The following GRM8 variants were observed in gnomAD, a reference collection of about 807,000 sequenced individuals.
GRM8 encodes glutamate metabotropic receptor 8, also known as metabotropic glutamate receptor 8.
GRM8 carries 47 observed loss-of-function variants against 87.2 expected under a neutral mutation model. The ratio of observed to expected loss-of-function variants is 0.54; its 90% confidence interval spans 0.43 to 0.69. The LOEUF is 0.69. Among genes scored for constraint, GRM8 ranks in the 30% least tolerant of loss-of-function variants. The pLI is 0.00. For missense variants in GRM8, 1,019 were observed against 1,139.2 expected, an observed-to-expected ratio of 0.89 and a Z score of 1.52; for synonymous variants, 396 against 404.5, an observed-to-expected ratio of 0.98 and a Z score of 0.25.
intron 6 of GRM8, among the ~76,000 whole-genome samples, chr7:126,877,228 T>G (rs1011051200): frequency 6.6e-6 from 1 of 152,220 alleles, no homozygotes; most frequent in African/African-American, 2.4e-5. Flanking sequence ...TTGTTTTGCC[T>G]GCTTCTAAAT....
intron 2 of GRM8, among the ~76,000 whole-genome samples, chr7:127,107,975 C>G (rs1383698279): frequency 6.6e-6 from 1 of 152,186 alleles, no homozygotes; most frequent in Non-Finnish European, 1.5e-5. Context: ...GATCCACCTG[C>G]ATTGGCCGTA....
At chr7:126,819,517 T>A (rs1020806981) in intron 6 of GRM8, among the ~76,000 whole-genome samples, 3 of 152,184 alleles carry the variant, frequency 2.0e-5, no homozygotes, top group Non-Finnish European at 4.4e-5. Flanking sequence ...ATCTCTTTGA[T>A]AAATATTCAT....
At chr7:126,698,878 C>G (rs954399125) in intron 7 of GRM8, among the ~76,000 whole-genome samples, 1 of 152,162 alleles carries the variant, frequency 6.6e-6, no homozygotes, top group African/African-American at 2.4e-5. Flanking sequence ...ATATTTCTCT[C>G]AAGAAATTCT....
At chr7:126,920,437 G>C (rs1290272681) in intron 3 of GRM8, among the ~76,000 whole-genome samples, 2 of 152,172 alleles carry the variant, frequency 1.3e-5, no homozygotes, top group Non-Finnish European at 2.9e-5. Context: ...CTGAAAAGCA[G>C]ATGATTACCA....
At chr7:126,637,483 T>C (rs1801981258) in intron 7 of GRM8, among the ~76,000 whole-genome samples, 1 of 151,886 alleles carries the variant, frequency 6.6e-6, no homozygotes, top group South Asian at 2.1e-4. Flanking sequence ...AAAAAAGAAG[T>C]TAAATAAATA....
At chr7:126,881,050 G>A (rs1320247483) in intron 6 of GRM8, among the ~76,000 whole-genome samples, 8 of 152,070 alleles carry the variant, frequency 5.3e-5, no homozygotes, top group Non-Finnish European at 7.3e-5. Flanking sequence ...TGATCCTAAT[G>A]TAGAGCTTTC....
At chr7:126,989,909 C>G (rs767926888) in intron 3 of GRM8, among the ~76,000 whole-genome samples, 2 of 152,036 alleles carry the variant, frequency 1.3e-5, no homozygotes, top group Non-Finnish European at 2.9e-5. Context: ...TTGCAGTGAG[C>G]CACTGCACTC....
At chr7:127,212,240 G>A (rs2116637846) in intron 2 of GRM8, among the ~76,000 whole-genome samples, 1 of 152,240 alleles carries the variant, frequency 6.6e-6, no homozygotes, top group Non-Finnish European at 1.5e-5. Flanking sequence ...CTGCTTCGCT[G>A]TTTTTGAGCT....
rs576685080 is a variant in GRM8, at chr7:127,203,611, G to C, written c.510+39084C>G. 1.3e-3 allele frequency among the ~76,000 whole-genome samples: 195 copies of C among 152,264 alleles called. 1 individual carries two copies. The highest frequency in any genetic ancestry group is 2.0e-3 in the Non-Finnish European group (139 of 68,024). On this transcript the variant is annotated intron_variant, in intron 2 of 10. Transcript: ENST00000339582. ...TAATCCCAGCTACTTGGGAGGCTGA[G>C]CCAGGAGAATCGCTTGAACCAGGGA...
chr7:126,857,016 G>T (rs1797748300), intron 6 of GRM8, among the ~76,000 whole-genome samples: 1 of 152,178 alleles, frequency 6.6e-6, no homozygotes, highest in Non-Finnish European at 1.5e-5. Context: ...CTTTGTAATT[G>T]CATGGTACAT....
At chr7:126,619,970 C>A (rs1291483052) in intron 7 of GRM8, among the ~76,000 whole-genome samples, 1 of 152,128 alleles carries the variant, frequency 6.6e-6, no homozygotes, top group Non-Finnish European at 1.5e-5. Context: ...GAATTACAGG[C>A]ATGAATAAAT....
intron 8 of GRM8, among the ~76,000 whole-genome samples, chr7:126,577,672 G>A (rs6946312): frequency 9.2e-5 from 14 of 152,040 alleles, no homozygotes; most frequent in Non-Finnish European, 5.9e-5. Flanking sequence ...AAACTAATTC[G>A]AAAGCAACTT....
intron 3 of GRM8, among the ~76,000 whole-genome samples, chr7:127,048,608 A>C (rs1819170312): frequency 6.6e-6 from 1 of 152,212 alleles, no homozygotes; most frequent in African/African-American, 2.4e-5. Flanking sequence ...CCCTTCTTCC[A>C]GATGCAGAAA....
In GRM8 at chr7:126,718,073, A is replaced by G. The variant is rs184256783; in HGVS notation, c.1357+51792T>C. On this transcript the variant is annotated intron_variant, in intron 7 of 10. Transcript: ENST00000339582. ...CGGTGAAACCCCGTCTCTACTAAAA[A>G]AAAAATACAAAAAATTAGCAGGGCG... Among the ~76,000 whole-genome samples the G allele has an allele frequency of 2.5e-3, 375 of 151,966 alleles. 2 individuals are homozygous for G. Among genetic ancestry groups the G allele is most frequent in the African/African-American group, 8.6e-3 (358 of 41,476 alleles).
chr7:126,703,281 G>T (rs1481726391), intron 7 of GRM8, among the ~76,000 whole-genome samples: 1 of 152,202 alleles, frequency 6.6e-6, no homozygotes, highest in Non-Finnish European at 1.5e-5. Context: ...GAAGGTAGAT[G>T]TGCTGTAATT....
Position 127,121,426 on chromosome 7 carries a change from A to C in GRM8, c.511-14714T>G, listed in dbSNP as rs1671874795. Reference sequence around the variant, plus strand: ...AACCCAGGAACCCTCAAAGAAGCTCATTTCCCATGCTTGCCATAGAAGGAA... The same window carrying C: ...AACCCAGGAACCCTCAAAGAAGCTCCTTTCCCATGCTTGCCATAGAAGGAA... On this transcript the variant is annotated intron_variant, in intron 2 of 10. Transcript: ENST00000339582. Among the ~76,000 whole-genome samples the C allele has an allele frequency of 2.0e-5, 3 of 152,050 alleles. 1 individual carries two copies. Among genetic ancestry groups the C allele is most frequent in the Non-Finnish European group, 4.4e-5 (3 of 67,992 alleles).
intron 7 of GRM8, among the ~76,000 whole-genome samples, chr7:126,724,190 T>C (rs2151463457): frequency 6.6e-6 from 1 of 152,258 alleles, no homozygotes; most frequent in East Asian, 1.9e-4. Flanking sequence ...GATTAGCTAA[T>C]TGTTCACCAA....
At chr7:126,632,680 C>T (rs1156911796) in intron 7 of GRM8, among the ~76,000 whole-genome samples, 1 of 152,124 alleles carries the variant, frequency 6.6e-6, no homozygotes, top group Non-Finnish European at 1.5e-5. Context: ...GGTACATATA[C>T]ACCATGGAAT....
chr7:126,686,904 A>T (rs1388700078), intron 7 of GRM8, among the ~76,000 whole-genome samples: 1 of 152,226 alleles, frequency 6.6e-6, no homozygotes, highest in African/African-American at 2.4e-5. Context: ...AGATATGTGA[A>T]AAACCAGCCC....
Sources: gnomAD v4.1 joint callset for allele counts (sites outside exome capture counted in the v4.1 genomes callset) on GRCh38, gnomAD v4.1.1 for gene constraint, MANE v1.5 for transcripts, NCBI Gene and HGNC (gene_info 2026-07-23, HGNC 2026-07-21) for gene names.